NAALADL2: variants seen among roughly 807,000 people sequenced by gnomAD.
The protein encoded by NAALADL2 is N-acetylated alpha-linked acidic dipeptidase like 2.
Under a neutral mutation model 87.2 loss-of-function variants are expected in NAALADL2, and 76 were observed. The observed-to-expected ratio is 0.87, with a 90% CI of 0.72 to 1.05. The LOEUF (loss-of-function observed/expected upper bound fraction) is 1.05. Among genes scored for constraint, NAALADL2 ranks in the 50% least tolerant of loss-of-function variants. The pLI is 0.00. For missense variants in NAALADL2, 1,089 were observed against 945.8 expected (o/e 1.15, Z -1.99); for synonymous variants, 354 against 331.0 (o/e 1.07, Z -0.75).
At chr3:175,732,272 G>GA (rs1452259231) in intron 11 of NAALADL2, among the ~76,000 whole-genome samples, 1 of 152,140 alleles carries the variant, frequency 6.6e-6, no homozygotes, top group African/African-American at 2.4e-5. Flanking sequence ...TGATGGGGGG[G>GA]ATGCATAGGA....
chr3:174,660,187 ATATT>A (rs1316215155), intron 2 of NAALADL2, among the ~76,000 whole-genome samples: 1 of 152,198 alleles, frequency 6.6e-6, no homozygotes, highest in Non-Finnish European at 1.5e-5. Context: ...TTATTCAAAA[ATATT>A]AATAGAAGAA....
intron 2 of NAALADL2, among the ~76,000 whole-genome samples, chr3:175,139,298 GAT>G (rs1000550954): frequency 6.6e-6 from 1 of 151,402 alleles, no homozygotes; most frequent in Non-Finnish European, 1.5e-5. Flanking sequence ...TGTGGCATTG[GAT>G]ATATATATAC....
intron 2 of NAALADL2, among the ~76,000 whole-genome samples, chr3:174,601,529 T>A (rs1046893974): frequency 6.6e-6 from 1 of 152,182 alleles, no homozygotes; most frequent in Admixed American, 6.5e-5. Context: ...CAGCTTCTTA[T>A]ATATTCCAGT....
chr3:175,550,077 A>C (rs552979072), intron 9 of NAALADL2, among the ~76,000 whole-genome samples: 7 of 152,082 alleles, frequency 4.6e-5, no homozygotes, highest in Non-Finnish European at 1.0e-4. Flanking sequence ...ATTATTAGTT[A>C]AGTGTAGGAT....
intron 2 of NAALADL2, among the ~76,000 whole-genome samples, chr3:174,615,960 T>G (rs1720420016): frequency 6.6e-6 from 1 of 152,034 alleles, no homozygotes; most frequent in South Asian, 2.1e-4. Flanking sequence ...GAAAATGTTC[T>G]GTAGAAGGTT....
intron 2 of NAALADL2, among the ~76,000 whole-genome samples, chr3:174,684,359 A>AT (rs1157908027): frequency 2.0e-5 from 3 of 152,118 alleles, no homozygotes; most frequent in Admixed American, 2.0e-4. Context: ...CTTGCAAAAT[A>AT]TGAGTTTACA....
chr3:174,746,217 G>A (rs1378660041), intron 3 of NAALADL2, among the ~76,000 whole-genome samples: 4 of 152,254 alleles, frequency 2.6e-5, no homozygotes, highest in African/African-American at 7.2e-5. Flanking sequence ...AAGCTGATAA[G>A]CAACTGCAAC....
At chr3:175,643,464 A>T (rs1388701208) in intron 11 of NAALADL2, among the ~76,000 whole-genome samples, 1 of 152,222 alleles carries the variant, frequency 6.6e-6, no homozygotes, top group African/African-American at 2.4e-5. Flanking sequence ...AAAGACTAGA[A>T]TAGCCTGTTG....
chr3:175,068,052 A>T (rs141963369), intron 1 of NAALADL2, among the ~76,000 whole-genome samples: 3 of 152,106 alleles, frequency 2.0e-5, no homozygotes, highest in Non-Finnish European at 4.4e-5. Context: ...ACTCCTGGAA[A>T]TAAAGATGGG....
intron 2 of NAALADL2, among the ~76,000 whole-genome samples, chr3:175,133,098 A>C: frequency 6.7e-6 from 1 of 149,390 alleles, no homozygotes; most frequent in African/African-American, 2.5e-5. Flanking sequence ...GGCGGGGCAG[A>C]GGCGCTCCCC....
At chr3:175,272,898 A>G (rs765949509) in intron 4 of NAALADL2, among the ~76,000 whole-genome samples, 1 of 152,098 alleles carries the variant, frequency 6.6e-6, no homozygotes, top group Non-Finnish European at 1.5e-5. Context: ...AAAGATTAAA[A>G]TAGTTGTAGC....
intron 1 of NAALADL2, among the ~76,000 whole-genome samples, chr3:174,979,600 C>T (rs966798533): frequency 1.3e-5 from 2 of 152,074 alleles, no homozygotes; most frequent in Non-Finnish European, 2.9e-5. Context: ...CCACCACACC[C>T]AGCCCATTTT....
chr3:175,544,294 T>C (rs1189342427), intron 9 of NAALADL2, among the ~76,000 whole-genome samples: 2 of 152,204 alleles, frequency 1.3e-5, no homozygotes, highest in Non-Finnish European at 2.9e-5. Context: ...TCTAGACAAA[T>C]TGGTTTGCAG....
At chr3:175,602,073 T>A (rs1723042992) in intron 10 of NAALADL2, among the ~76,000 whole-genome samples, 2 of 152,316 alleles carry the variant, frequency 1.3e-5, no homozygotes, top group South Asian at 2.1e-4. Flanking sequence ...AACTTTGTTA[T>A]GTGTGTAGGG....
intron 4 of NAALADL2, among the ~76,000 whole-genome samples, chr3:175,312,643 A>C (rs1457980378): frequency 6.6e-6 from 1 of 152,200 alleles, no homozygotes; most frequent in East Asian, 1.9e-4. Flanking sequence ...CGAGACTTGA[A>C]TTCAGAAAAC....
chr3:175,101,104 C>T (rs534304209), intron 2 of NAALADL2, among the ~76,000 whole-genome samples: 32 of 152,096 alleles, frequency 2.1e-4, no homozygotes, highest in African/African-American at 6.5e-4. Flanking sequence ...GAGCACACAC[C>T]GGAAAAAATT....
intron 13 of NAALADL2, among the ~76,000 whole-genome samples, chr3:175,781,662 A>C (rs1751105477): frequency 6.6e-6 from 1 of 151,922 alleles, no homozygotes; most frequent in African/African-American, 2.4e-5. Flanking sequence ...TAGCAAAAAA[A>C]AAAAAAAAGT....
At chr3:175,121,931 C>G (rs75140971) in intron 2 of NAALADL2, among the ~76,000 whole-genome samples, 1,897 of 145,814 alleles carry the variant, frequency 0.013, 40 homozygotes, top group African/African-American at 0.044. Context: ...ATTCTTGTAT[C>G]TGTGATCTCT....
intron 2 of NAALADL2, among the ~76,000 whole-genome samples, chr3:175,211,272 A>T (rs1432259312): frequency 1.3e-5 from 2 of 151,904 alleles, no homozygotes; most frequent in Non-Finnish European, 2.9e-5. Context: ...TTTTATGCAC[A>T]TGCTCAAAAA....
Sources: allele counts gnomAD v4.1 joint callset (sites outside exome capture counted in the v4.1 genomes callset), GRCh38; gene constraint gnomAD v4.1.1; transcripts MANE v1.5; gene names NCBI Gene and HGNC (gene_info 2026-07-23, HGNC 2026-07-21).